ETFA: variants seen among roughly 807,000 people sequenced by gnomAD.
ETFA encodes electron transfer flavoprotein subunit alpha, mitochondrial.
Under a neutral mutation model 46.2 loss-of-function variants are expected in ETFA, and 22 were observed. The ratio of observed to expected loss-of-function variants is 0.48; its 90% confidence interval spans 0.34 to 0.68. The LOEUF (loss-of-function observed/expected upper bound fraction) is 0.68, where lower values mean the gene tolerates loss of function less well. Among genes scored for constraint, ETFA ranks in the 30% least tolerant of loss-of-function variants. The pLI, the probability that ETFA is intolerant of heterozygous loss-of-function variation, is 0.01. For synonymous variants in ETFA, 131 were observed against 139.9 expected, an observed-to-expected ratio of 0.94 and a Z score of 0.45; for missense variants, 345 against 401.1, an observed-to-expected ratio of 0.86 and a Z score of 1.19.
chr15:76,234,099 C>A (rs940157244), intron 9 of ETFA, among the ~76,000 whole-genome samples: 1 of 152,174 alleles, frequency 6.6e-6, no homozygotes, highest in East Asian at 1.9e-4. Context: ...GCCATTTCTA[C>A]CTTTCTGATC....
intron 9 of ETFA, among the ~76,000 whole-genome samples, chr15:76,273,737 G>C (rs1011325549): frequency 1.3e-5 from 2 of 151,654 alleles, no homozygotes; most frequent in Non-Finnish European, 2.9e-5. Flanking sequence ...TAAAAAACAT[G>C]TTTTCCTGCA....
intron 9 of ETFA, among the ~76,000 whole-genome samples, chr15:76,272,668 C>G (rs912831437): frequency 6.6e-6 from 1 of 151,980 alleles, no homozygotes; most frequent in Non-Finnish European, 1.5e-5. Flanking sequence ...CACATACCTG[C>G]AGTCCCAGCC....
chr15:76,244,606 T>C (rs1303859041), intron 9 of ETFA, among the ~76,000 whole-genome samples: 2 of 152,122 alleles, frequency 1.3e-5, no homozygotes, highest in Admixed American at 6.5e-5. Flanking sequence ...TTCTTTGACA[T>C]TCATGTGCCC....
chr15:76,290,008 T>TC (rs2039743487), intron 4 of ETFA, among the ~76,000 whole-genome samples: 1 of 152,080 alleles, frequency 6.6e-6, no homozygotes, highest in Non-Finnish European at 1.5e-5. Flanking sequence ...ATCAAAACTC[T>TC]CAGAGACAGA....
intron 9 of ETFA, 37 bp from the exon 10 acceptor site, chr15:76,231,435 A>G (rs1307566984): frequency 4.0e-6 from 5 of 1,244,236 alleles, no homozygotes; most frequent in East Asian, 2.5e-5. Flanking sequence ...ATATGTATTT[A>G]TATTATATAA....
intron 1 of ETFA, among the ~76,000 whole-genome samples, chr15:76,298,047 T>A (rs1011016232): frequency 4.4e-5 from 6 of 135,182 alleles, no homozygotes; most frequent in African/African-American, 1.5e-4. Flanking sequence ...GATTAGAGAT[T>A]TTTTTTTTTT....
rs371224379 is a variant in ETFA at position 76,272,649 on chromosome 15, G to T, written c.816+1763C>A. ...CACAAATAATGTGTGTGCCAGTCAGGCATGGTGGCACATACCTGCAGTCCC... is the reference window on the plus strand; with the variant it reads ...CACAAATAATGTGTGTGCCAGTCAGTCATGGTGGCACATACCTGCAGTCCC... On this transcript the variant is annotated intron_variant, in intron 9 of 11. Transcript: ENST00000557943. 2.0e-5 allele frequency among the ~76,000 whole-genome samples: 3 copies of T among 151,948 alleles called. No individual in the cohort carries two copies. The South Asian group carries it at 6.2e-4, about 32-fold the overall frequency.
At chr15:76,236,894 A>C (rs2039129493) in intron 9 of ETFA, among the ~76,000 whole-genome samples, 1 of 152,232 alleles carries the variant, frequency 6.6e-6, no homozygotes, top group African/African-American at 2.4e-5. Flanking sequence ...GACCTGAAAA[A>C]TATTTCCTCA....
intron 9 of ETFA, among the ~76,000 whole-genome samples, chr15:76,267,533 C>A (rs953886401): frequency 6.6e-6 from 1 of 152,026 alleles, no homozygotes; most frequent in Non-Finnish European, 1.5e-5. Flanking sequence ...AAAGCCCCCA[C>A]TGGAGCAGCC....
chr15:76,247,369 A>T (rs111720315), intron 9 of ETFA, among the ~76,000 whole-genome samples: 82 of 152,230 alleles, frequency 5.4e-4, no homozygotes, highest in African/African-American at 1.9e-3. Context: ...GGAGACATAC[A>T]TTTTTTTAGA....
chr15:76,231,433 T>G, intron 9 of ETFA, 35 bp from the exon 10 acceptor site: 2 of 1,265,306 alleles, frequency 1.6e-6, no homozygotes, highest in Non-Finnish European at 2.3e-6. Context: ...TAATATGTAT[T>G]TATATTATAT....
At position 76,226,114 on chromosome 15, in the gene ETFA, T is replaced by A. The variant is rs1481575418; in HGVS notation, c.883-185A>T. ...GGTTGGAATGTAATAAAATTCTCTC[T>A]TACCCACATCTAGCCCATCTCAGTA... On this transcript the variant is annotated intron_variant, in intron 10 of 11. Coordinates refer to ENST00000557943, the MANE Select transcript of ETFA (RefSeq NM_000126.4). 7 of 584,520 alleles carry A rather than the reference T, an allele frequency of 1.2e-5. No homozygotes were observed. The East Asian group carries it at 2.0e-4, about 17-fold the overall frequency. 36.2% of individuals were successfully genotyped at this position (584,520 alleles called of 1,614,324 possible).
At chr15:76,244,404 T>C (rs1344348497) in intron 9 of ETFA, among the ~76,000 whole-genome samples, 1 of 152,224 alleles carries the variant, frequency 6.6e-6, no homozygotes, top group African/African-American at 2.4e-5. Flanking sequence ...CTGTCTCAAA[T>C]ACTATTTCCC....
At chr15:76,218,522 C>G (rs542147701) in intron 11 of ETFA, among the ~76,000 whole-genome samples, 1 of 152,204 alleles carries the variant, frequency 6.6e-6, no homozygotes, top group East Asian at 1.9e-4. Flanking sequence ...CCACCCACCT[C>G]AGGCTCCCAA....
intron 7 of ETFA, chr15:76,284,963 G>C (rs1192755772): frequency 2.4e-5 from 9 of 373,888 alleles, no homozygotes; most frequent in Non-Finnish European, 3.6e-5. Context: ...AAACAAGTCA[G>C]ATATATCACT....
At chr15:76,247,775 G>A (rs2039257971) in intron 9 of ETFA, among the ~76,000 whole-genome samples, 1 of 152,198 alleles carries the variant, frequency 6.6e-6, no homozygotes, top group Non-Finnish European at 1.5e-5. Flanking sequence ...ACCAAATAAT[G>A]AGTGTAATAA....
chr15:76,311,215 G>T, intron 1 of ETFA, 135 bp downstream of exon 1: 1 of 1,047,646 alleles, frequency 9.5e-7, no homozygotes, highest in Non-Finnish European at 1.4e-6. Flanking sequence ...TTGGACCCAA[G>T]TCCCAGGCGG....
At chr15:76,227,874 T>C in intron 10 of ETFA, 1 of 456,092 alleles carries the variant, frequency 2.2e-6, no homozygotes, top group Non-Finnish European at 4.4e-6. Flanking sequence ...TGTCTAAGAT[T>C]GGAACATGGT....
chr15:76,248,468 A>C (rs1020098393), intron 9 of ETFA, among the ~76,000 whole-genome samples: 4 of 152,208 alleles, frequency 2.6e-5, no homozygotes, highest in Admixed American at 2.6e-4. Context: ...TATCTTTACA[A>C]CCCTAACTTA....
Sources: allele counts gnomAD v4.1 joint callset (sites outside exome capture counted in the v4.1 genomes callset), GRCh38; gene constraint gnomAD v4.1.1; transcripts MANE v1.5; gene names NCBI Gene and HGNC (gene_info 2026-07-23, HGNC 2026-07-21).